The following C20orf173 variants were observed in gnomAD, a reference collection of about 807,000 sequenced individuals.
The protein encoded by C20orf173 is chromosome 20 open reading frame 173.
C20orf173 carries 22 observed loss-of-function variants against 26.7 expected under a neutral mutation model. The observed-to-expected ratio is 0.82, with a 90% CI of 0.59 to 1.18. C20orf173 has a LOEUF of 1.18. Among genes scored for constraint, C20orf173 ranks in the 50% most tolerant of loss-of-function variants. The pLI, the probability that C20orf173 is intolerant of heterozygous loss-of-function variation, is 0.00. For missense variants in C20orf173, 210 were observed against 250.3 expected (o/e 0.84, Z 1.09); for synonymous variants, 85 against 96.4 (o/e 0.88, Z 0.69).
At position 35,529,400 on chromosome 20, in the gene C20orf173, G is replaced by A; in HGVS notation, c.-27C>T. ...TCTGGCCCAGGCGGTGGCTCCCGTG[G>A]TGGGCCGTAGACTGGCTTCTCTACC... On this transcript the variant is annotated 5_prime_UTR_variant, in exon 2 of 6. Coordinates refer to ENST00000444723, the MANE Select transcript of C20orf173 (RefSeq NM_001145350.2). 2 of 1,507,628 alleles carry A rather than the reference G, an allele frequency of 1.3e-6. No homozygotes were observed. Among genetic ancestry groups the A allele is most frequent in the Non-Finnish European group, 1.8e-6 (2 of 1,128,354 alleles). The allele number at this position is 1,507,628 out of a possible 1,614,324, so 93.4% of individuals were successfully genotyped here.
downstream of C20orf173, among the ~76,000 whole-genome samples, chr20:35,524,249 G>A (rs567623308): frequency 6.6e-6 from 1 of 151,988 alleles, no homozygotes; most frequent in African/African-American, 2.4e-5. Context: ...TCAAACTCCT[G>A]AGCTCAAGTG....
At chr20:35,521,312 A>G (rs1171911915), downstream of C20orf173, among the ~76,000 whole-genome samples, 1 of 152,158 alleles carries the variant, frequency 6.6e-6, no homozygotes, top group Non-Finnish European at 1.5e-5. Flanking sequence ...CAAGGAAGAC[A>G]GACTCTAAAT....
chr20:35,521,547 T>C (rs992095299), downstream of C20orf173, among the ~76,000 whole-genome samples: 3 of 151,346 alleles, frequency 2.0e-5, no homozygotes, highest in Non-Finnish European at 4.4e-5. Flanking sequence ...GGTCAGATCA[T>C]GTAGGGTGTT....
Sources: allele counts gnomAD v4.1 joint callset (sites outside exome capture counted in the v4.1 genomes callset), GRCh38; gene constraint gnomAD v4.1.1; transcripts MANE v1.5; gene names NCBI Gene and HGNC (gene_info 2026-07-23, HGNC 2026-07-21).